The following SEZ6L variants were observed in gnomAD, a reference collection of about 807,000 sequenced individuals.
SEZ6L encodes the protein seizure 6-like protein.
SEZ6L carries 37 observed loss-of-function variants against 106.2 expected under a neutral mutation model. The observed-to-expected ratio is 0.35, with a 90% CI of 0.27 to 0.46. The LOEUF (loss-of-function observed/expected upper bound fraction) is 0.46, where lower values mean the gene tolerates loss of function less well. Among genes scored for constraint, SEZ6L ranks in the 20% least tolerant of loss-of-function variants. SEZ6L has a pLI of 1.00. For synonymous variants in SEZ6L, 541 were observed against 570.4 expected (o/e 0.95, Z 0.73); for missense variants, 1,172 against 1,332.8 (o/e 0.88, Z 1.88).
At chr22:26,322,006 C>T (rs967152296) in intron 9 of SEZ6L, among the ~76,000 whole-genome samples, 4 of 152,084 alleles carry the variant, frequency 2.6e-5, no homozygotes, top group East Asian at 3.8e-4. Flanking sequence ...TGAGCTGCAT[C>T]GTTTAGGTCC....
chr22:26,327,225 CACACACCACACACGCTAT>C (rs1246410999), intron 9 of SEZ6L, among the ~76,000 whole-genome samples: 1 of 2,820 alleles, frequency 3.5e-4, no homozygotes, highest in African/African-American at 1.3e-3. Context: ...ACACACCACA[CACACACCACACACGCTAT>C]ACACACCACA....
chr22:26,335,690 G>T (rs5761481), intron 9 of SEZ6L, among the ~76,000 whole-genome samples: 28,687 of 152,104 alleles, frequency 0.19, 3,151 homozygotes, highest in South Asian at 0.26. Context: ...AGGAAACATA[G>T]ATCATATCCC....
intron 1 of SEZ6L, among the ~76,000 whole-genome samples, chr22:26,178,401 G>A (rs952671084): frequency 2.2e-4 from 34 of 152,202 alleles, no homozygotes; most frequent in African/African-American, 7.7e-4. Flanking sequence ...ATGGATAGTG[G>A]CTGATTGAGA....
At position 26,296,768 on chromosome 22, in the gene SEZ6L, C is replaced by A. The variant is rs2081313024; in HGVS notation, c.970-120C>A. 3.8e-6 allele frequency: 3 copies of A among 783,748 alleles called. No individual in the cohort carries two copies. In the South Asian group the frequency reaches 9.6e-5, roughly 25 times the overall value. 48.5% of individuals were successfully genotyped at this position (783,748 alleles called of 1,614,324 possible). On this transcript the variant is annotated intron_variant, in intron 3 of 16. Coordinates refer to ENST00000248933, the MANE Select transcript of SEZ6L (RefSeq NM_021115.5). Reference sequence around the variant, plus strand: ...TGGGCTCGGCATGGGGCCCAGGGGTCCCGTTGACCAGGGGCTAGCAGTACC... The same window carrying A: ...TGGGCTCGGCATGGGGCCCAGGGGTACCGTTGACCAGGGGCTAGCAGTACC...
At chr22:26,302,609 A>C (rs1303966286) in intron 5 of SEZ6L, among the ~76,000 whole-genome samples, 1 of 152,230 alleles carries the variant, frequency 6.6e-6, no homozygotes, top group African/African-American at 2.4e-5. Flanking sequence ...CAATTGTTAC[A>C]GTATTGTTCC....
intron 9 of SEZ6L, among the ~76,000 whole-genome samples, chr22:26,330,121 C>A (rs1458734210): frequency 6.6e-6 from 1 of 152,194 alleles, no homozygotes; most frequent in Non-Finnish European, 1.5e-5. Context: ...TTCACCTGTG[C>A]CAAGCCCTGG....
chr22:26,328,600 C>A (rs1004319411), intron 9 of SEZ6L, among the ~76,000 whole-genome samples: 6 of 152,178 alleles, frequency 3.9e-5, no homozygotes, highest in Non-Finnish European at 5.9e-5. Context: ...TTATCGGTGA[C>A]CTTGCCAGAG....
intron 1 of SEZ6L, among the ~76,000 whole-genome samples, chr22:26,240,805 A>G (rs1569410783): frequency 6.6e-6 from 1 of 152,144 alleles, no homozygotes; most frequent in African/African-American, 2.4e-5. Flanking sequence ...ACAAACAAAA[A>G]TATGTGAGTT....
chr22:26,182,019 G>GA (rs1939431840), intron 1 of SEZ6L, among the ~76,000 whole-genome samples: 1 of 152,162 alleles, frequency 6.6e-6, no homozygotes, highest in Non-Finnish European at 1.5e-5. Flanking sequence ...GCATGTGTTT[G>GA]AAAGCCTTTC....
chr22:26,216,454 G>A (rs1311755341), intron 1 of SEZ6L, among the ~76,000 whole-genome samples: 4 of 152,088 alleles, frequency 2.6e-5, no homozygotes, highest in Admixed American at 6.5e-5. Flanking sequence ...TCAGGAGTTC[G>A]AGACCAGCCT....
At chr22:26,313,616 ACGTG>A in intron 8 of SEZ6L, 144 bp from the exon 9 acceptor site, 1 of 695,670 alleles carries the variant, frequency 1.4e-6, no homozygotes, top group Non-Finnish European at 2.4e-6. Context: ...ACACACACAC[ACGTG>A]CTGGCTGCCC....
intron 10 of SEZ6L, among the ~76,000 whole-genome samples, chr22:26,344,151 C>G (rs2082935377): frequency 6.6e-6 from 1 of 152,206 alleles, no homozygotes; most frequent in Admixed American, 6.5e-5. Context: ...AAGCCCAGCT[C>G]TGGAAGGTGG....
chr22:26,326,399 C>T (rs1354835123), intron 9 of SEZ6L, among the ~76,000 whole-genome samples: 1 of 152,158 alleles, frequency 6.6e-6, no homozygotes, highest in African/African-American at 2.4e-5. Context: ...GAGTTGCATC[C>T]AATTATCAGA....
intron 1 of SEZ6L, among the ~76,000 whole-genome samples, chr22:26,290,373 A>C (rs2081071051): frequency 6.6e-6 from 1 of 152,146 alleles, no homozygotes; most frequent in Admixed American, 6.5e-5. Flanking sequence ...CTACTAAAAA[A>C]TACAAAAAAT....
chr22:26,181,697 T>C (rs1160644636), intron 1 of SEZ6L, among the ~76,000 whole-genome samples: 2 of 152,166 alleles, frequency 1.3e-5, no homozygotes, highest in African/African-American at 4.8e-5. Context: ...CCTGGGATTG[T>C]GGTGAGGAGT....
intron 1 of SEZ6L, among the ~76,000 whole-genome samples, chr22:26,193,455 G>A (rs560532567): frequency 2.6e-5 from 4 of 152,226 alleles, no homozygotes; most frequent in Non-Finnish European, 4.4e-5. Flanking sequence ...GCCCAATGTG[G>A]TTCTGCTATC....
intron 1 of SEZ6L, among the ~76,000 whole-genome samples, chr22:26,227,815 G>A (rs1386613071): frequency 6.6e-6 from 1 of 152,164 alleles, no homozygotes; most frequent in Non-Finnish European, 1.5e-5. Context: ...GGCACTTGGG[G>A]TGCCAGGGAA....
At chr22:26,362,409 G>C (rs1941126) in intron 12 of SEZ6L, among the ~76,000 whole-genome samples, 1 of 152,058 alleles carries the variant, frequency 6.6e-6, no homozygotes, top group South Asian at 2.1e-4. Flanking sequence ...CAAAATCTCT[G>C]CCTCTCTCGC....
At chr22:26,350,723 C>A (rs1333370131) in intron 11 of SEZ6L, among the ~76,000 whole-genome samples, 1 of 145,684 alleles carries the variant, frequency 6.9e-6, no homozygotes, top group Non-Finnish European at 1.5e-5. Flanking sequence ...GTGGTGCGAT[C>A]TCGGCTCACT....
Sources: allele counts gnomAD v4.1 joint callset (sites outside exome capture counted in the v4.1 genomes callset), GRCh38; gene constraint gnomAD v4.1.1; transcripts MANE v1.5; gene names NCBI Gene and HGNC (gene_info 2026-07-23, HGNC 2026-07-21).